The following PPARGC1B variants were observed in gnomAD, a reference collection of about 807,000 sequenced individuals.
The protein encoded by PPARGC1B is peroxisome proliferator-activated receptor gamma coactivator 1-beta.
PPARGC1B carries 34 observed loss-of-function variants against 101.6 expected under a neutral mutation model. That is an observed-to-expected ratio of 0.33 (90% CI 0.25 to 0.45). The LOEUF (loss-of-function observed/expected upper bound fraction) is 0.45. Ranked by LOEUF, PPARGC1B falls within the 20% of genes least tolerant of loss-of-function variation. The pLI, the probability that PPARGC1B is intolerant of heterozygous loss-of-function variation, is 1.00. For missense variants in PPARGC1B, 1,234 were observed against 1,317.6 expected, an observed-to-expected ratio of 0.94 and a Z score of 0.98; for synonymous variants, 548 against 539.3, an observed-to-expected ratio of 1.02 and a Z score of -0.22.
At chr5:149,797,927 C>G (rs577661855) in intron 1 of PPARGC1B, among the ~76,000 whole-genome samples, 1 of 151,834 alleles carries the variant, frequency 6.6e-6, no homozygotes, top group Non-Finnish European at 1.5e-5. Flanking sequence ...CCCCACCCCC[C>G]GCCAAAAAAC....
Position 149,850,112 on chromosome 5 carries a change from C to T in PPARGC1B, c.*2554C>T, listed in dbSNP as rs1221254927. On this transcript the variant is annotated 3_prime_UTR_variant, in exon 12 of 12. Transcript: ENST00000309241. ...ATTCTACCAAGAATTTCCTTTGTAA[C>T]TTTGGTAAGTCCCTTTTACTCCCTG... 6.6e-6 allele frequency: 1 copy of T among 152,180 alleles called. No individual in the cohort carries two copies. The highest frequency in any genetic ancestry group is 1.5e-5 in the Non-Finnish European group (1 of 68,028). The allele number at this position is 152,180 out of a possible 1,614,324, so 9.4% of individuals were successfully genotyped here.
At chr5:149,794,935 C>A (rs1023190275) in intron 1 of PPARGC1B, among the ~76,000 whole-genome samples, 3 of 152,220 alleles carry the variant, frequency 2.0e-5, no homozygotes, top group African/African-American at 7.2e-5. Flanking sequence ...GCCATTGCCC[C>A]ACTGATGTGT....
chr5:149,755,933 C>T (rs1198289015), intron 1 of PPARGC1B, among the ~76,000 whole-genome samples: 2 of 152,142 alleles, frequency 1.3e-5, no homozygotes, highest in African/African-American at 4.8e-5. Context: ...GGTGAGCCGC[C>T]GTGCCCGGCC....
chr5:149,818,134 G>A (rs920057114), intron 1 of PPARGC1B, among the ~76,000 whole-genome samples: 7 of 152,198 alleles, frequency 4.6e-5, no homozygotes, highest in African/African-American at 1.7e-4. Context: ...GGGCTTGTGG[G>A]GAGAGCGGTA....
chr5:149,770,902 T>C lies in PPARGC1B; in HGVS notation c.78+40482T>C, dbSNP rs57091179. ...GTTGATTGGAATAGTATGAGACACC[T>C]TGAGTGATACCGAAGCCATCATAGG... On this transcript the variant is annotated intron_variant, in intron 1 of 11. Transcript: ENST00000309241. 4.3e-3 allele frequency among the ~76,000 whole-genome samples: 655 copies of C among 152,164 alleles called. 3 individuals carry two copies. The highest frequency in any genetic ancestry group is 0.015 in the African/African-American group (605 of 41,518).
At chr5:149,768,029 G>C (rs1222816136) in intron 1 of PPARGC1B, among the ~76,000 whole-genome samples, 2 of 151,840 alleles carry the variant, frequency 1.3e-5, no homozygotes, top group Middle Eastern at 3.2e-3. Context: ...GGTGATGGGA[G>C]ATAGTGACAC....
chr5:149,809,886 G>C (rs11948432), intron 1 of PPARGC1B, among the ~76,000 whole-genome samples: 9,835 of 151,962 alleles, frequency 0.065, 798 homozygotes, highest in African/African-American at 0.17. Flanking sequence ...AGGCCCATCT[G>C]GGGAGGGACG....
At chr5:149,816,149 C>A (rs191028399) in intron 1 of PPARGC1B, among the ~76,000 whole-genome samples, 188 of 152,312 alleles carry the variant, frequency 1.2e-3, no homozygotes, top group African/African-American at 4.4e-3. Flanking sequence ...CCAGAGAAAT[C>A]ACTATTAATG....
At chr5:149,835,954 T>C (rs936838637) in intron 7 of PPARGC1B, among the ~76,000 whole-genome samples, 2 of 148,814 alleles carry the variant, frequency 1.3e-5, no homozygotes, top group Non-Finnish European at 3.0e-5. Context: ...GGTCTTTTTT[T>C]TTTCTTTTTT....
At chr5:149,773,831 G>A (rs931733953) in intron 1 of PPARGC1B, among the ~76,000 whole-genome samples, 12 of 152,228 alleles carry the variant, frequency 7.9e-5, no homozygotes, top group African/African-American at 2.9e-4. Flanking sequence ...AACTTCAGGA[G>A]GGAACTGGCT....
In PPARGC1B at chr5:149,833,940, T is replaced by C. The variant is rs1758937053; in HGVS notation, c.1705+162T>C. Among the ~76,000 whole-genome samples the C allele has an allele frequency of 6.6e-6, 1 of 152,258 alleles. No homozygotes were observed. Among genetic ancestry groups the C allele is most frequent in the Non-Finnish European group, 1.5e-5 (1 of 68,050 alleles). ...CCCTCCCTGGCTTTCAGCTTTTCTT[T>C]GGGCTAGTTGGAGCAGATCTTCAGA... On this transcript the variant is annotated intron_variant, in intron 5 of 11. Transcript: ENST00000309241. This position sits in a 1 kb window ranked among gnomAD's most constrained non-coding sequence, Gnocchi z 4.1.
chr5:149,845,820 A>G lies in PPARGC1B; in HGVS notation c.2877A>G (p.Thr959=). 6.2e-7 allele frequency: 1 copy of G among 1,614,152 alleles called. No individual in the cohort carries two copies. The highest frequency in any genetic ancestry group is 8.5e-7 in the Non-Finnish European group (1 of 1,179,994). ...RCSEHAALSL[T]KGAALRKRNE... is the part of the protein sequence containing the mutation. ...CTGAGCACGCGGCCCTCTCTTTGAC[A>G]AAGGGCGCTGCCCTGAGGAAGCGCA... is the stretch of plus-strand genomic sequence containing the variant. Residue 959 remains threonine (T), a synonymous_variant, in exon 11 of 12, where the codon ACA becomes ACG. Transcript: ENST00000309241.
At chr5:149,776,102 T>A (rs1470741930) in intron 1 of PPARGC1B, among the ~76,000 whole-genome samples, 1 of 152,224 alleles carries the variant, frequency 6.6e-6, no homozygotes, top group Non-Finnish European at 1.5e-5. Context: ...GTTACTAACT[T>A]TCTCTTCATA....
chr5:149,757,674 C>T (rs1325779989), intron 1 of PPARGC1B, among the ~76,000 whole-genome samples: 14 of 152,216 alleles, frequency 9.2e-5, no homozygotes. Context: ...ATTTAACACC[C>T]AGCTGCTCAG....
At chr5:149,817,501 A>G (rs1036477277) in intron 1 of PPARGC1B, 11 of 340,040 alleles carry the variant, frequency 3.2e-5, no homozygotes, top group African/African-American at 1.9e-4. Flanking sequence ...AGAGCGTGAA[A>G]AGATAGATTT....
rs115880932 is a variant in PPARGC1B, at chr5:149,779,500, A to G, written c.79-40933A>G. 4.4e-3 allele frequency among the ~76,000 whole-genome samples: 663 copies of G among 152,284 alleles called. 8 individuals are homozygous for G. Among genetic ancestry groups the G allele is most frequent in the African/African-American group, 0.015 (614 of 41,558 alleles). The stretch of plus-strand genomic sequence containing the variant: ...GAACATCTACTGTATAGCACACACT[A>G]AGGATACAACAGTGAAAAGACCAGC... On this transcript the variant is annotated intron_variant, in intron 1 of 11. Transcript: ENST00000309241.
chr5:149,779,189 C>T (rs189516127), intron 1 of PPARGC1B, among the ~76,000 whole-genome samples: 121 of 152,336 alleles, frequency 7.9e-4, no homozygotes, highest in Non-Finnish European at 1.6e-3. Context: ...CTGGTCTCTG[C>T]TACAGCCTGG....
rs1318011211 is a variant in PPARGC1B at position 149,832,080 on chromosome 5, GA to G, written c.583-575del. On this transcript the variant is annotated intron_variant, in intron 4 of 11. Transcript: ENST00000309241. The surrounding 1 kb of genome is among the most constrained non-coding windows in gnomAD (Gnocchi z 4.9). ...CCAGCACTTTGGGAGGCTGAGGCGG[GA>G]GGATCACTTGAGCTCAGGAGTTCAA... 6.6e-6 allele frequency among the ~76,000 whole-genome samples: 1 copy of G among 152,192 alleles called. No individual in the cohort carries two copies. Among genetic ancestry groups the G allele is most frequent in the Non-Finnish European group, 1.5e-5 (1 of 68,038 alleles).
At chr5:149,824,764 A>G (rs1002429128) in intron 2 of PPARGC1B, among the ~76,000 whole-genome samples, 1 of 152,210 alleles carries the variant, frequency 6.6e-6, no homozygotes, top group Non-Finnish European at 1.5e-5. Context: ...TTCTAAAGCC[A>G]GAGTCCTCGG....
Sources: gnomAD v4.1 joint callset for allele counts (sites outside exome capture counted in the v4.1 genomes callset) on GRCh38, gnomAD v4.1.1 for gene constraint, Gnocchi (gnomAD v3.1) non-coding constraint, MANE v1.5 for transcripts, NCBI Gene and HGNC (gene_info 2026-07-23, HGNC 2026-07-21) for gene names.